SYNJ2: variants seen among roughly 807,000 people sequenced by gnomAD.
SYNJ2 encodes polyphosphatidylinositol phosphatase SYNJ2.
Under a neutral mutation model 141.3 loss-of-function variants are expected in SYNJ2, and 116 were observed. The observed-to-expected ratio is 0.82, with a 90% confidence interval of 0.71 to 0.96. The LOEUF (loss-of-function observed/expected upper bound fraction) is 0.96. SYNJ2 is among the 40% of genes least tolerant of loss of function. SYNJ2 has a pLI of 0.00. For synonymous variants in SYNJ2, 745 were observed against 777.7 expected (o/e 0.96, Z 0.70); for missense variants, 1,873 against 1,934.8 (o/e 0.97, Z 0.60).
intron 15 of SYNJ2, among the ~76,000 whole-genome samples, chr6:158,072,701 C>T (rs944748437): frequency 5.4e-5 from 8 of 148,902 alleles, no homozygotes; most frequent in East Asian, 2.0e-4. Context: ...AAGAAACAAA[C>T]GAGTTGGGAA....
In SYNJ2 at chr6:158,098,450, AT is replaced by A. The variant is rs1783898841; in HGVS notation, c.*2089del. The A allele has an allele frequency of 6.6e-6, 1 of 151,890 alleles. No homozygotes were observed. Among genetic ancestry groups the A allele is most frequent in the African/African-American group, 2.4e-5 (1 of 41,352 alleles). 9.4% of individuals were successfully genotyped at this position (151,890 alleles called of 1,614,324 possible). On this transcript the variant is annotated 3_prime_UTR_variant, in exon 27 of 27. Coordinates refer to ENST00000355585, the MANE Select transcript of SYNJ2 (RefSeq NM_003898.4). Reference sequence around the variant, plus strand: ...ACGAGGAGTTTAAGAGTTAAATATTATTTGATCGTGGCTGTCAAATTTAGTG... The same window carrying A: ...ACGAGGAGTTTAAGAGTTAAATATTATTGATCGTGGCTGTCAAATTTAGTG...
Position 158,084,276 on chromosome 6 carries a change from T to C in SYNJ2, c.3208+102T>C. The C allele has an allele frequency of 7.3e-7, 1 of 1,360,708 alleles. No homozygotes were observed. Among genetic ancestry groups the C allele is most frequent in the Non-Finnish European group, 1.0e-6 (1 of 996,478 alleles). 84.3% of individuals were successfully genotyped at this position (1,360,708 alleles called of 1,614,324 possible). A position where few individuals can be genotyped will look rare whatever the true frequency, so the allele number is the denominator to read the frequency against. ...ATTGGGCACTGTGTGATATCAAGTA[T>C]GCAGGTCCCAGGAGAGACCTCAACC... On this transcript the variant is annotated intron_variant, in intron 22 of 26. Transcript: ENST00000355585. The surrounding 1 kb of genome is among the most constrained non-coding windows in gnomAD (Gnocchi z 5.0).
intron 26 of SYNJ2, among the ~76,000 whole-genome samples, chr6:158,094,992 T>C (rs1190516235): frequency 1.3e-5 from 2 of 151,904 alleles, no homozygotes; most frequent in Admixed American, 1.3e-4. Context: ...TACTACAAAA[T>C]ACAAAAATTA....
intron 2 of SYNJ2, among the ~76,000 whole-genome samples, chr6:158,026,513 G>A (rs1779056719): frequency 6.6e-6 from 1 of 151,978 alleles, no homozygotes; most frequent in African/African-American, 2.4e-5. Flanking sequence ...TACCACTCCC[G>A]ACCCCCTCCT....
Position 158,078,143 on chromosome 6 carries a change from G to A in SYNJ2, c.2450-21G>A, listed in dbSNP as rs770731532. The A allele has an allele frequency of 1.1e-5, 16 of 1,518,264 alleles. No individual in the cohort carries two copies. The East Asian group carries it at 1.8e-4, about 17-fold the overall frequency. 94.0% of individuals were successfully genotyped at this position (1,518,264 alleles called of 1,614,324 possible). On this transcript the variant is annotated intron_variant, in intron 17 of 26. Transcript: ENST00000355585. The stretch of plus-strand genomic sequence containing the variant: ...TGACTCGATTCTATATGGGTCTCTC[G>A]AATGGAACCCCTGCGAGTAGCTGGA...
At chr6:158,025,124 G>T (rs73015983) in intron 2 of SYNJ2, among the ~76,000 whole-genome samples, 165 of 152,204 alleles carry the variant, frequency 1.1e-3, no homozygotes, top group African/African-American at 3.6e-3. Flanking sequence ...CCAGCGGCCC[G>T]CAGATTGGCC....
At chr6:157,984,739 C>G (rs1777135528) in intron 1 of SYNJ2, among the ~76,000 whole-genome samples, 1 of 152,230 alleles carries the variant, frequency 6.6e-6, no homozygotes. Context: ...GCTGCAATCT[C>G]TACTTTTGTA....
rs138984166 is a variant in SYNJ2, at chr6:158,063,386, C to G, written c.1128-405C>G. ...GGAGGTGAGGGGTTCCCTCTTAGAACATGTTTCCTCACACCTGTAATCCCA... is the reference window on the plus strand; with the variant it reads ...GGAGGTGAGGGGTTCCCTCTTAGAAGATGTTTCCTCACACCTGTAATCCCA... On this transcript the variant is annotated intron_variant, in intron 8 of 26. Coordinates refer to ENST00000355585, the MANE Select transcript of SYNJ2 (RefSeq NM_003898.4). Among the ~76,000 whole-genome samples, 98 of 152,202 alleles carry G rather than the reference C, an allele frequency of 6.4e-4. 1 individual carries two copies. Among genetic ancestry groups the G allele is most frequent in the Admixed American group, 4.4e-3 (67 of 15,292 alleles).
At chr6:158,004,868 G>A (rs1200650954) in intron 1 of SYNJ2, among the ~76,000 whole-genome samples, 1 of 151,856 alleles carries the variant, frequency 6.6e-6, no homozygotes, top group East Asian at 1.9e-4. Flanking sequence ...CTCACTATGA[G>A]TCTGGCGCTT....
chr6:157,983,222 A>C (rs941996311), intron 1 of SYNJ2, among the ~76,000 whole-genome samples: 2 of 152,192 alleles, frequency 1.3e-5, no homozygotes, highest in Admixed American at 1.3e-4. Flanking sequence ...CTGATTCCCT[A>C]ATCATTTCAT....
At chr6:158,010,848 CAG>C (rs969908994) in intron 1 of SYNJ2, among the ~76,000 whole-genome samples, 6 of 125,774 alleles carry the variant, frequency 4.8e-5, no homozygotes, top group African/African-American at 1.9e-4. Flanking sequence ...CACGTGACAA[CAG>C]GGGGATGTCA....
intron 16 of SYNJ2, among the ~76,000 whole-genome samples, chr6:158,076,137 G>A (rs375049357): frequency 2.0e-5 from 3 of 152,200 alleles, no homozygotes; most frequent in Non-Finnish European, 2.9e-5. Flanking sequence ...GTAGGGAGCC[G>A]TGATTGCACC....
chr6:158,019,373 A>G (rs1244546219), intron 2 of SYNJ2, among the ~76,000 whole-genome samples: 1 of 152,258 alleles, frequency 6.6e-6, no homozygotes, highest in Admixed American at 6.5e-5. Flanking sequence ...CAAGGGGGAC[A>G]GGAAGTGCAG....
At chr6:157,998,052 G>A (rs73792871) in intron 1 of SYNJ2, among the ~76,000 whole-genome samples, 4,098 of 152,346 alleles carry the variant, frequency 0.027, 187 homozygotes, top group African/African-American at 0.094. Flanking sequence ...GGATATTCAC[G>A]CAGGCATTCT....
intron 1 of SYNJ2, among the ~76,000 whole-genome samples, chr6:158,006,347 C>A (rs1258569553): frequency 6.6e-6 from 1 of 152,168 alleles, no homozygotes. Flanking sequence ...TTTTGCCCCT[C>A]AACTTTACTG....
intron 21 of SYNJ2, among the ~76,000 whole-genome samples, 173 bp downstream of exon 21, chr6:158,083,770 T>A (rs1469973846): frequency 6.6e-6 from 1 of 152,210 alleles, no homozygotes; most frequent in East Asian, 1.9e-4. Flanking sequence ...CATGCCATGC[T>A]ACCTGGGACC....
intron 6 of SYNJ2, 77 bp downstream of exon 6, chr6:158,055,105 G>A: frequency 1.3e-6 from 2 of 1,506,594 alleles, no homozygotes; most frequent in South Asian, 1.2e-5. Flanking sequence ...ACAAGGGAGA[G>A]GGTGCGACGG....
At chr6:158,029,268 G>A (rs940770992) in intron 3 of SYNJ2, 26 of 434,826 alleles carry the variant, frequency 6.0e-5, no homozygotes, top group African/African-American at 3.6e-4. Context: ...AGAAACCTGC[G>A]CCAGGCATGG....
At chr6:158,086,723 T>G in intron 22 of SYNJ2, 132 bp from the exon 23 acceptor site, 2 of 369,318 alleles carry the variant, frequency 5.4e-6, no homozygotes, top group East Asian at 2.5e-4. Context: ...GAGGTGCCCG[T>G]TTCTGGACAG....
Sources: allele counts gnomAD v4.1 joint callset (sites outside exome capture counted in the v4.1 genomes callset), GRCh38; gene constraint gnomAD v4.1.1; non-coding constraint Gnocchi (gnomAD v3.1); transcripts MANE v1.5; gene names NCBI Gene and HGNC (gene_info 2026-07-23, HGNC 2026-07-21).